Variants in KDM3A observed in about 807,000 individuals in gnomAD.
KDM3A encodes the protein lysine demethylase 3A.
Under a neutral mutation model 158.0 loss-of-function variants are expected in KDM3A, and 60 were observed. The observed-to-expected ratio is 0.38, with a 90% CI of 0.31 to 0.47. The LOEUF is 0.47. Ranked by LOEUF, KDM3A falls within the 20% of genes least tolerant of loss-of-function variation. The probability of loss-of-function intolerance (pLI) is 0.99; values close to 1 mark genes in which losing one functional copy is unlikely to be tolerated. For synonymous variants in KDM3A, 608 were observed against 549.3 expected, an observed-to-expected ratio of 1.11 and a Z score of -1.49; for missense variants, 1,319 against 1,574.3, an observed-to-expected ratio of 0.84 and a Z score of 2.74.
Position 86,466,522 on chromosome 2 carries a change from A to G in KDM3A, c.1158A>G (p.Pro386=), listed in dbSNP as rs2104664785. 1 of 1,613,948 alleles carries G rather than the reference A, an allele frequency of 6.2e-7. No individual in the cohort carries two copies. Among genetic ancestry groups the G allele is most frequent in the Non-Finnish European group, 8.5e-7 (1 of 1,179,864 alleles). ...GAGACTTGAAAATTCTGACTGAGCC[A>G]AAAGGCAGCTGTACTCAGCCTAAGA... The part of the protein sequence containing the change: ...GTGDLKILTE[P]KGSCTQPKTN... The change falls in exon 10 of 26, where the codon CCA becomes CCG. Residue 386 remains proline (P), a synonymous_variant. Transcript: ENST00000312912.
In KDM3A at chr2:86,474,702, TGTGTG is replaced by T. The variant is rs201454380; in HGVS notation, c.1725-73_1725-69del. The T allele has an allele frequency of 1.1e-3, 459 of 400,886 alleles. 3 individuals carry two copies. Among genetic ancestry groups the T allele is most frequent in the African/African-American group, 0.011 (93 of 8,802 alleles). 24.8% of individuals were successfully genotyped at this position (400,886 alleles called of 1,614,324 possible). On this transcript the variant is annotated intron_variant, in intron 11 of 25. Transcript: ENST00000312912. Reference sequence around the variant, plus strand: ...AAGTAATTACAAGTTGTAAATAAGTTGTGTGTGTGTGTGTGTGTGTGTGTGTGTGT... The same window carrying T: ...AAGTAATTACAAGTTGTAAATAAGTTTGTGTGTGTGTGTGTGTGTGTGTGT...
At chr2:86,453,945 C>T (rs191482252) in intron 4 of KDM3A, among the ~76,000 whole-genome samples, 158 of 152,210 alleles carry the variant, frequency 1.0e-3, no homozygotes, top group East Asian at 1.9e-4. Flanking sequence ...TGCTAGAATT[C>T]GGTTTGGCAA....
chr2:86,471,010 A>C (rs1196590236), intron 11 of KDM3A, among the ~76,000 whole-genome samples: 1 of 152,120 alleles, frequency 6.6e-6, no homozygotes, highest in Non-Finnish European at 1.5e-5. Flanking sequence ...GATTACTAGA[A>C]GTGGCATTTC....
chr2:86,453,936 G>A (rs909900179), intron 4 of KDM3A, among the ~76,000 whole-genome samples: 9 of 152,156 alleles, frequency 5.9e-5, no homozygotes, highest in Non-Finnish European at 2.9e-5. Flanking sequence ...TCTTTGCCCT[G>A]CTAGAATTCG....
At chr2:86,458,276 C>T (rs1391336868) in intron 8 of KDM3A, among the ~76,000 whole-genome samples, 2 of 152,188 alleles carry the variant, frequency 1.3e-5, no homozygotes, top group Non-Finnish European at 2.9e-5. Context: ...TTCCTGTATA[C>T]AGGCAACAGG....
At chr2:86,457,460 T>G (rs1461193659) in intron 8 of KDM3A, among the ~76,000 whole-genome samples, 1 of 152,154 alleles carries the variant, frequency 6.6e-6, no homozygotes, top group East Asian at 1.9e-4. Context: ...TTTTTTAGTG[T>G]TATATTGCTG....
intron 8 of KDM3A, 34 bp downstream of exon 8, chr2:86,457,105 T>C (rs756646365): frequency 6.2e-6 from 6 of 975,312 alleles, no homozygotes; most frequent in Non-Finnish European, 8.7e-6. Flanking sequence ...TGTAAAGCTT[T>C]CCTTAACTCC....
intron 2 of KDM3A, among the ~76,000 whole-genome samples, chr2:86,448,446 C>T (rs1683041278): frequency 6.6e-6 from 1 of 152,126 alleles, no homozygotes; most frequent in African/African-American, 2.4e-5. Context: ...CAGTTGTAAG[C>T]AAAAGCAGAG....
In KDM3A at chr2:86,478,647, C is replaced by T. The variant is rs138136575; in HGVS notation, c.2228C>T (p.Ala743Val). 1,513 of 1,613,746 alleles carry T rather than the reference C, an allele frequency of 9.4e-4. 3 individuals are homozygous for T. The highest frequency in any genetic ancestry group is 1.2e-3 in the Non-Finnish European group (1,435 of 1,179,734). The change falls in exon 15 of 26, where the codon GCG becomes GTG. Residue 743 changes from alanine (A) to valine (V), a missense_variant. By Grantham distance (64) the Ala-to-Val change is moderately conservative. Around this residue, in one of 4 missense-constraint regions of KDM3A, gnomAD observed 368 missense variants for 415.8 expected, o/e 0.89. Coordinates refer to ENST00000312912, the MANE Select transcript of KDM3A (RefSeq NM_018433.6). ...GGAGACATTGTTCATTCTGTAAGAG[C>T]GAAATGGGGAATAAAGGCAAACTGC... ...DVGDIVHSVR[A>V]KWGIKANCPC...
At chr2:86,456,063 C>T (rs990727304) in intron 5 of KDM3A, among the ~76,000 whole-genome samples, 4 of 151,738 alleles carry the variant, frequency 2.6e-5, no homozygotes, top group African/African-American at 9.7e-5. Context: ...ATGGATAAGG[C>T]ATTAATTTGA....
intron 10 of KDM3A, among the ~76,000 whole-genome samples, chr2:86,468,460 G>T (rs1673256437): frequency 6.6e-6 from 1 of 152,186 alleles, no homozygotes; most frequent in Non-Finnish European, 1.5e-5. Context: ...ATAAGCACAT[G>T]ATAGATACAC....
chr2:86,482,894 T>C, intron 18 of KDM3A, 200 bp downstream of exon 18: 1 of 567,516 alleles, frequency 1.8e-6, no homozygotes, highest in South Asian at 2.2e-5. Context: ...GCTGGACTTT[T>C]CCAGTCAGGT....
chr2:86,485,970 T>C lies in KDM3A; in HGVS notation c.3313+111T>C. The C allele has an allele frequency of 2.8e-6, 3 of 1,071,944 alleles. No individual in the cohort carries two copies. In the South Asian group the frequency reaches 4.7e-5, roughly 17 times the overall value. The allele number at this position is 1,071,944 out of a possible 1,614,324, so 66.4% of individuals were successfully genotyped here. On this transcript the variant is annotated intron_variant, in intron 21 of 25. Transcript: ENST00000312912. ...AAACACCCATAATCCTAATGCGTAA[T>C]ACAGCCACAGCTTTCATTTTTACAT... is the stretch of plus-strand genomic sequence containing the variant.
In KDM3A at chr2:86,489,396, TC is replaced by T; in HGVS notation, c.3393del (p.Tyr1132MetfsTer29). The T allele has an allele frequency of 6.2e-7, 1 of 1,613,978 alleles. No homozygotes were observed. The highest frequency in any genetic ancestry group is 8.5e-7 in the Non-Finnish European group (1 of 1,179,954). On this transcript the variant is annotated frameshift_variant, in exon 22 of 26. Coordinates refer to ENST00000312912, the MANE Select transcript of KDM3A (RefSeq NM_018433.6). LOFTEE classifies it high-confidence loss of function. Reference sequence around the variant, plus strand: ...GTATCTGATGCAGCTAATGTCATGGTCTATGTGGGAATTCCCAAAGGACAGT... The same window carrying T: ...GTATCTGATGCAGCTAATGTCATGGTTATGTGGGAATTCCCAAAGGACAGT... ...LDVSDAANVM[V>X]YVGIPKGQCE...
At chr2:86,470,618 T>TA (rs1189847074) in intron 11 of KDM3A, among the ~76,000 whole-genome samples, 7 of 152,184 alleles carry the variant, frequency 4.6e-5, no homozygotes, top group African/African-American at 1.7e-4. Context: ...TAACAAAGCT[T>TA]AAAAATATAA....
At chr2:86,489,238 C>A in intron 21 of KDM3A, 80 bp from the exon 22 acceptor site, 2 of 1,491,558 alleles carry the variant, frequency 1.3e-6, no homozygotes, top group East Asian at 2.3e-5. Context: ...CAGGGACCTA[C>A]CATCCCCCAG....
Position 86,470,206 on chromosome 2 carries a change from C to T in KDM3A, c.1522C>T (p.Pro508Ser). The change falls in exon 11 of 26, where the codon CCA becomes TCA. Residue 508 changes from proline (P) to serine (S), a missense_variant and splice_region_variant. Physicochemically the swap from Pro to Ser is moderately conservative, Grantham distance 74. This residue lies in a region of KDM3A where 652 missense variants were observed against 627.2 expected (regional missense o/e 1.04). Coordinates refer to ENST00000312912, the MANE Select transcript of KDM3A (RefSeq NM_018433.6). ...TCCTTAATCTTTTGTTTTCCTAGCCCCATCCAGGAAGTCGGTTTTGACAGA... is the reference window on the plus strand; with the variant it reads ...TCCTTAATCTTTTGTTTTCCTAGCCTCATCCAGGAAGTCGGTTTTGACAGA... ...SRSNNKIQNA[P>S]SRKSVLTDPA... is the part of the protein sequence containing the mutation. 2 of 1,613,724 alleles carry T rather than the reference C, an allele frequency of 1.2e-6. No homozygotes were observed. The highest frequency in any genetic ancestry group is 1.7e-6 in the Non-Finnish European group (2 of 1,179,842).
intron 11 of KDM3A, among the ~76,000 whole-genome samples, chr2:86,471,968 A>C (rs1389594400): frequency 6.6e-6 from 1 of 152,034 alleles, no homozygotes; most frequent in Non-Finnish European, 1.5e-5. Flanking sequence ...TATGTGTATG[A>C]ATTTTGAAGA....
chr2:86,462,476 A>T (rs554406082), intron 8 of KDM3A, among the ~76,000 whole-genome samples: 1 of 152,274 alleles, frequency 6.6e-6, no homozygotes, highest in African/African-American at 2.4e-5. Flanking sequence ...TACAAGCAAA[A>T]GGGACTTTAG....
Sources: gnomAD v4.1 joint callset for allele counts (sites outside exome capture counted in the v4.1 genomes callset) on GRCh38, gnomAD v4.1.1 for gene constraint, gnomAD v4.1.1 regional missense constraint, MANE v1.5 for transcripts, NCBI Gene and HGNC (gene_info 2026-07-23, HGNC 2026-07-21) for gene names.